Variants in LIPK observed in about 807,000 individuals in gnomAD.
LIPK encodes lipase member K.
A neutral mutation model predicts 48.6 loss-of-function variants in LIPK; 32 were observed. That is an observed-to-expected ratio of 0.66 (90% confidence interval 0.50 to 0.88). LIPK has a LOEUF of 0.88. LIPK is among the 40% of genes least tolerant of loss of function. LIPK has a pLI of 0.00. For synonymous variants in LIPK, 164 were observed against 157.4 expected (o/e 1.04, Z -0.32); for missense variants, 507 against 478.5 (o/e 1.06, Z -0.56).
rs760205361 is a variant in LIPK at position 88,737,764 on chromosome 10, C to T, written c.799C>T (p.Pro267Ser). ...NFLFTLSGFD[P>S]QNLNMSRLDV... ...CCTATTTACTCTGAGTGGATTTGAT[C>T]CGCAAAACTTAAATATGGTAGGTGT... is the stretch of plus-strand genomic sequence containing the variant. Residue 267 changes from proline to serine, a missense_variant, in exon 7 of 10, where the codon CCG becomes TCG. Coordinates refer to ENST00000404190, the MANE Select transcript of LIPK (RefSeq NM_001080518.2). 1 of 1,613,744 alleles carries T rather than the reference C, an allele frequency of 6.2e-7. No homozygotes were observed. The highest frequency in any genetic ancestry group is 8.5e-7 in the Non-Finnish European group (1 of 1,179,722).
intron 6 of LIPK, among the ~76,000 whole-genome samples, chr10:88,735,515 GAA>G (rs927189777): frequency 1.2e-4 from 18 of 151,738 alleles, no homozygotes; most frequent in Non-Finnish European, 2.2e-4. Flanking sequence ...TTTATAGGTG[GAA>G]AAAAAAGTCT....
intron 7 of LIPK, among the ~76,000 whole-genome samples, chr10:88,738,617 T>C (rs990601013): frequency 6.6e-6 from 1 of 152,168 alleles, no homozygotes; most frequent in Non-Finnish European, 1.5e-5. Flanking sequence ...TATATGTAGG[T>C]GAGAGCATAT....
intron 1 of LIPK, among the ~76,000 whole-genome samples, chr10:88,709,265 G>A (rs918497172): frequency 2.0e-5 from 3 of 152,116 alleles, no homozygotes; most frequent in East Asian, 1.9e-4. Context: ...AAATCACATA[G>A]TGATGCATCA....
At chr10:88,740,161 C>T (rs931617859) in intron 8 of LIPK, 94 bp downstream of exon 8, 2 of 728,482 alleles carry the variant, frequency 2.7e-6, no homozygotes, top group Non-Finnish European at 4.5e-6. Flanking sequence ...TCTGCTGGCA[C>T]CTGCCACTGC....
At chr10:88,739,909 A>G in intron 7 of LIPK, 87 bp from the exon 8 acceptor site, 1 of 762,224 alleles carries the variant, frequency 1.3e-6, no homozygotes, top group South Asian at 2.0e-5. Context: ...AAAGAGGAAA[A>G]GAAGAAACTT....
Position 88,715,262 on chromosome 10 carries a change from A to G in LIPK, c.-12+8942A>G, listed in dbSNP as rs74721906. 1.6e-4 allele frequency among the ~76,000 whole-genome samples: 24 copies of G among 152,250 alleles called. No homozygotes were observed. The East Asian group carries it at 4.6e-3, about 29-fold the overall frequency. On this transcript the variant is annotated intron_variant, in intron 1 of 9. Coordinates refer to ENST00000404190, the MANE Select transcript of LIPK (RefSeq NM_001080518.2). ...AAACATACAGCTATGAAACTGAATA[A>G]TTACCTGTATCTCTATCAGTTTGAT...
chr10:88,744,949 G>A (rs1320092453), intron 9 of LIPK, among the ~76,000 whole-genome samples: 1 of 152,194 alleles, frequency 6.6e-6, no homozygotes, highest in Non-Finnish European at 1.5e-5. Flanking sequence ...TGATCTGATA[G>A]AGCTGGGAAA....
At chr10:88,712,853 T>C (rs1412270670) in intron 1 of LIPK, among the ~76,000 whole-genome samples, 4 of 152,222 alleles carry the variant, frequency 2.6e-5, no homozygotes, top group African/African-American at 9.6e-5. Flanking sequence ...CAATAGTCCA[T>C]AATTTCTTTC....
chr10:88,708,958 A>G (rs897096105), intron 1 of LIPK, among the ~76,000 whole-genome samples: 1 of 152,122 alleles, frequency 6.6e-6, no homozygotes, highest in Non-Finnish European at 1.5e-5. Context: ...GTTTTTAATG[A>G]TGTGTGATTT....
chr10:88,709,714 A>C (rs1446076346), intron 1 of LIPK, among the ~76,000 whole-genome samples: 1 of 152,020 alleles, frequency 6.6e-6, no homozygotes, highest in Non-Finnish European at 1.5e-5. Context: ...CTATTTTATT[A>C]AGGTCAGTTC....
intron 6 of LIPK, among the ~76,000 whole-genome samples, chr10:88,734,057 C>G (rs1201191580): frequency 6.6e-5 from 10 of 152,144 alleles, no homozygotes; most frequent in Non-Finnish European, 7.4e-5. Context: ...AAATCTATAA[C>G]TTTAGAATGA....
chr10:88,740,093 T>G (rs200031257), intron 8 of LIPK, 26 bp downstream of exon 8: 2 of 1,576,786 alleles, frequency 1.3e-6, no homozygotes, highest in East Asian at 4.5e-5. Flanking sequence ...TCCTGCTTGA[T>G]GCACACATAT....
intron 9 of LIPK, among the ~76,000 whole-genome samples, chr10:88,751,461 G>A (rs142627384): frequency 6.6e-6 from 1 of 152,076 alleles, no homozygotes; most frequent in African/African-American, 2.4e-5. Context: ...CCTGGCTCAA[G>A]CGATTCTCTT....
At chr10:88,751,123 T>G (rs1314591922) in intron 9 of LIPK, among the ~76,000 whole-genome samples, 9 of 152,160 alleles carry the variant, frequency 5.9e-5, no homozygotes, top group Non-Finnish European at 1.5e-5. Flanking sequence ...TGCCTTAGCA[T>G]GTCATTCCCT....
rs1842458614 is a variant in LIPK at position 88,731,141 on chromosome 10, C to T, written c.382C>T (p.Leu128Phe). The T allele has an allele frequency of 6.3e-7, 1 of 1,591,596 alleles. No homozygotes were observed. The highest frequency in any genetic ancestry group is 1.8e-5 in the Admixed American group (1 of 54,346). Reference sequence around the variant, plus strand: ...AGGAAACACTTGGTCCAGAAAACACCTTAAATTGTCACCGAAATCACCGGA... The same window carrying T: ...AGGAAACACTTGGTCCAGAAAACACTTTAAATTGTCACCGAAATCACCGGA... ...SRGNTWSRKH[L>F]KLSPKSPEYW... Residue 128 changes from leucine to phenylalanine, a missense_variant, in exon 4 of 10, where the codon CTT becomes TTT. By Grantham distance (22) the Leu-to-Phe change is conservative. Transcript: ENST00000404190.
chr10:88,717,408 G>T (rs1046173077), intron 1 of LIPK, among the ~76,000 whole-genome samples: 1 of 152,016 alleles, frequency 6.6e-6, no homozygotes, highest in African/African-American at 2.4e-5. Flanking sequence ...ATTTTTTTAT[G>T]ATTTAGTTAT....
intron 9 of LIPK, 48 bp from the exon 10 acceptor site, chr10:88,752,469 A>G: frequency 2.9e-6 from 4 of 1,361,696 alleles, no homozygotes; most frequent in Non-Finnish European, 2.0e-6. Context: ...TACTTCTATA[A>G]TGTAATATTC....
At chr10:88,742,085 C>T (rs1382892454) in intron 8 of LIPK, among the ~76,000 whole-genome samples, 3 of 152,100 alleles carry the variant, frequency 2.0e-5, no homozygotes, top group Non-Finnish European at 4.4e-5. Flanking sequence ...GTGGGAAGTG[C>T]CACACACTTT....
rs1401484924 is a variant in LIPK, at chr10:88,752,560, C to T, written c.1004C>T (p.Thr335Ile). ...LYNITKMEVP[T>I]AIWNGGQDIV... is the part of the protein sequence containing the mutation. The stretch of plus-strand genomic sequence containing the variant: ...AACATTACTAAGATGGAAGTTCCAA[C>T]AGCAATATGGAATGGTGGACAGGAC... The change falls in exon 10 of 10, where the codon ACA becomes ATA. Residue 335 changes from threonine (T) to isoleucine (I), a missense_variant. Transcript: ENST00000404190. 6.4e-7 allele frequency: 1 copy of T among 1,566,802 alleles called. No individual in the cohort carries two copies. The highest frequency in any genetic ancestry group is 1.2e-5 in the South Asian group (1 of 85,470).
Sources: allele counts gnomAD v4.1 joint callset (sites outside exome capture counted in the v4.1 genomes callset), GRCh38; gene constraint gnomAD v4.1.1; transcripts MANE v1.5; gene names NCBI Gene and HGNC (gene_info 2026-07-23, HGNC 2026-07-21).